The following SPIDR variants were observed in gnomAD, a reference collection of about 807,000 sequenced individuals.
SPIDR encodes the protein scaffold protein involved in DNA repair.
Under a neutral mutation model 104.6 loss-of-function variants are expected in SPIDR, and 93 were observed. The ratio of observed to expected loss-of-function variants is 0.89; its 90% CI spans 0.75 to 1.06. The LOEUF is 1.06. SPIDR is among the 50% of genes least tolerant of loss of function. SPIDR has a pLI of 0.00. For missense variants in SPIDR, 1,154 were observed against 1,111.2 expected (o/e 1.04, Z -0.55); for synonymous variants, 431 against 416.9 (o/e 1.03, Z -0.41).
intron 8 of SPIDR, among the ~76,000 whole-genome samples, chr8:47,484,681 T>C (rs1175649978): frequency 6.6e-6 from 1 of 152,136 alleles, no homozygotes; most frequent in African/African-American, 2.4e-5. Context: ...CCAGACACAA[T>C]TGTGATCCTG....
At chr8:47,317,231 G>C (rs1176193251) in intron 5 of SPIDR, among the ~76,000 whole-genome samples, 1 of 152,124 alleles carries the variant, frequency 6.6e-6, no homozygotes, top group Non-Finnish European at 1.5e-5. Context: ...GATGGCACCT[G>C]GAAAATTGGG....
intron 8 of SPIDR, among the ~76,000 whole-genome samples, chr8:47,490,969 G>C (rs1255589916): frequency 1.3e-5 from 2 of 152,056 alleles, no homozygotes; most frequent in African/African-American, 2.4e-5. Flanking sequence ...CGTTGTGTAC[G>C]TGTACCCTAG....
chr8:47,356,755 C>T (rs570676263), intron 5 of SPIDR, among the ~76,000 whole-genome samples: 1 of 152,186 alleles, frequency 6.6e-6, no homozygotes, highest in East Asian at 1.9e-4. Context: ...GGGTGGTTTG[C>T]ATCTGTTACC....
chr8:47,565,992 ATT>A (rs768002878), intron 8 of SPIDR, among the ~76,000 whole-genome samples: 119 of 14,848 alleles, frequency 8.0e-3, no homozygotes, highest in African/African-American at 0.017. Context: ...ATATATATAT[ATT>A]TTTTTTTTTT....
At chr8:47,311,816 C>A (rs1169716753) in intron 5 of SPIDR, among the ~76,000 whole-genome samples, 2 of 151,864 alleles carry the variant, frequency 1.3e-5, no homozygotes, top group Admixed American at 1.3e-4. Flanking sequence ...TGTGCTGCAC[C>A]CATTAACTCA....
chr8:47,366,098 G>A (rs145808853), intron 5 of SPIDR, among the ~76,000 whole-genome samples: 33 of 152,224 alleles, frequency 2.2e-4, no homozygotes, highest in African/African-American at 7.5e-4. Flanking sequence ...GGTGGTATAG[G>A]TCAGAGGACA....
At chr8:47,537,660 G>C (rs1707489526) in intron 8 of SPIDR, among the ~76,000 whole-genome samples, 1 of 152,138 alleles carries the variant, frequency 6.6e-6, no homozygotes, top group South Asian at 2.1e-4. Context: ...AAAACCCATA[G>C]ACCTGTACAA....
intron 5 of SPIDR, among the ~76,000 whole-genome samples, chr8:47,333,157 A>G (rs1313308559): frequency 6.6e-6 from 1 of 152,160 alleles, no homozygotes; most frequent in Non-Finnish European, 1.5e-5. Context: ...AAAGGTCTTC[A>G]GGGGCAGTAA....
chr8:47,486,634 AG>A (rs1713832146), intron 8 of SPIDR, among the ~76,000 whole-genome samples: 1 of 152,246 alleles, frequency 6.6e-6, no homozygotes, highest in African/African-American at 2.4e-5. Flanking sequence ...GAAGCCCATC[AG>A]ACTAACAGCG....
intron 5 of SPIDR, among the ~76,000 whole-genome samples, chr8:47,320,828 C>A (rs2046410151): frequency 6.6e-6 from 1 of 152,120 alleles, no homozygotes; most frequent in African/African-American, 2.4e-5. Context: ...ATCATATAAA[C>A]AGAACCAACG....
At chr8:47,673,982 T>C (rs774354387) in intron 11 of SPIDR, 41 bp downstream of exon 11, 8 of 1,594,410 alleles carry the variant, frequency 5.0e-6, no homozygotes, top group Non-Finnish European at 8.5e-7. Flanking sequence ...GCTACAATTG[T>C]TGGTTCTTTT....
chr8:47,278,279 T>C (rs2036995314), intron 1 of SPIDR, among the ~76,000 whole-genome samples: 1 of 151,720 alleles, frequency 6.6e-6, no homozygotes, highest in Admixed American at 6.6e-5. Context: ...CCCCAGCCTC[T>C]TGAATAGCTG....
At chr8:47,350,565 C>T (rs782802183) in intron 5 of SPIDR, among the ~76,000 whole-genome samples, 2 of 151,832 alleles carry the variant, frequency 1.3e-5, no homozygotes, top group Non-Finnish European at 2.9e-5. Context: ...CTGCCTGCCT[C>T]GGCCTCCCAA....
chr8:47,262,254 A>G (rs1335614249), intron 1 of SPIDR, among the ~76,000 whole-genome samples: 1 of 152,182 alleles, frequency 6.6e-6, no homozygotes, highest in Admixed American at 6.5e-5. Context: ...CTCTTGACTT[A>G]GAAATCTTAG....
At chr8:47,432,031 C>T (rs1185051657) in intron 7 of SPIDR, among the ~76,000 whole-genome samples, 1 of 152,124 alleles carries the variant, frequency 6.6e-6, no homozygotes, top group Non-Finnish European at 1.5e-5. Context: ...GAATCGATGG[C>T]ATCTTATAAG....
chr8:47,628,804 C>T (rs1415460397), intron 10 of SPIDR, among the ~76,000 whole-genome samples: 1 of 152,122 alleles, frequency 6.6e-6, no homozygotes, highest in Non-Finnish European at 1.5e-5. Context: ...TAAAAAACAT[C>T]GAATGGAGAA....
chr8:47,555,075 G>A (rs887534285), intron 8 of SPIDR, among the ~76,000 whole-genome samples: 1 of 152,056 alleles, frequency 6.6e-6, no homozygotes, highest in Non-Finnish European at 1.5e-5. Context: ...GTGGTATAAA[G>A]TGGTATAATC....
chr8:47,350,988 C>T (rs1309312464), intron 5 of SPIDR, among the ~76,000 whole-genome samples: 1 of 152,142 alleles, frequency 6.6e-6, no homozygotes, highest in Non-Finnish European at 1.5e-5. Flanking sequence ...ACATGAATCC[C>T]CTGTTTTGTC....
chr8:47,557,177 C>T (rs2091424449), intron 8 of SPIDR, among the ~76,000 whole-genome samples: 1 of 152,052 alleles, frequency 6.6e-6, no homozygotes, highest in Non-Finnish European at 1.5e-5. Context: ...TATTATTTCT[C>T]TGAGAAAAAT....
Sources: gnomAD v4.1 joint callset for allele counts (sites outside exome capture counted in the v4.1 genomes callset) on GRCh38, gnomAD v4.1.1 for gene constraint, MANE v1.5 for transcripts, NCBI Gene and HGNC (gene_info 2026-07-23, HGNC 2026-07-21) for gene names.